RBM39: variants seen among roughly 807,000 people sequenced by gnomAD.
The protein encoded by RBM39 is RNA-binding protein 39.
In RBM39, 12 loss-of-function variants were observed where a neutral mutation model predicts 79.6. The observed-to-expected ratio is 0.15, with a 90% CI of 0.10 to 0.24. The LOEUF is 0.24. RBM39 is among the 10% of genes least tolerant of loss of function. The pLI is 1.00. For missense variants in RBM39, 243 were observed against 653.4 expected, an observed-to-expected ratio of 0.37 and a Z score of 6.85; for synonymous variants, 185 against 208.4, an observed-to-expected ratio of 0.89 and a Z score of 0.97.
At chr20:35,707,807 G>C (rs190034884) in intron 13 of RBM39, 12 of 409,434 alleles carry the variant, frequency 2.9e-5, no homozygotes, top group South Asian at 2.1e-4. Context: ...GAAAAGAGCA[G>C]CATATATGTG....
chr20:35,731,750 A>C, intron 4 of RBM39, 191 bp downstream of exon 4: 1 of 633,508 alleles, frequency 1.6e-6, no homozygotes, highest in Non-Finnish European at 2.7e-6. Context: ...TAGTAAAAGC[A>C]AATTTTTACT....
Position 35,721,866 on chromosome 20 carries a change from G to A in RBM39, c.699C>T (p.Asn233=), listed in dbSNP as rs778362603. The A allele has an allele frequency of 1.9e-6, 3 of 1,613,560 alleles. No homozygotes were observed. Among genetic ancestry groups the A allele is most frequent in the Admixed American group, 3.3e-5 (2 of 59,956 alleles). The change falls in exon 9 of 17, where the codon AAC becomes AAT. Residue 233 remains asparagine, a synonymous_variant. Coordinates refer to ENST00000253363, the MANE Select transcript of RBM39 (RefSeq NM_184234.3). The part of the protein sequence containing the change: ...IIVQASQAEK[N]RAAAMANNLQ... Reference sequence around the variant, plus strand: ...AATTGTTTGCCATTGCTGCAGCTCTGTTTTTTTCTGCCTAGAAGACAAAAT... The same window carrying A: ...AATTGTTTGCCATTGCTGCAGCTCTATTTTTTTCTGCCTAGAAGACAAAAT...
intron 6 of RBM39, 87 bp from the exon 7 acceptor site, chr20:35,725,242 G>A (rs2038509745): frequency 1.1e-6 from 1 of 923,018 alleles, no homozygotes; most frequent in Non-Finnish European, 1.6e-6. Context: ...TAGTTCAACA[G>A]GTTTTCAGGT....
chr20:35,714,137 CACT>C (rs1250642513), intron 11 of RBM39, 45 bp downstream of exon 11: 5 of 1,560,396 alleles, frequency 3.2e-6, no homozygotes, highest in Non-Finnish European at 1.8e-6. Context: ...CTTTCTTTTC[CACT>C]ACAATACCCA....
chr20:35,703,217 T>TAA lies in RBM39; in HGVS notation c.*1262_*1263dup, dbSNP rs1361648182. On this transcript the variant is annotated 3_prime_UTR_variant, in exon 17 of 17. Coordinates refer to ENST00000253363, the MANE Select transcript of RBM39 (RefSeq NM_184234.3). ...GAAAGCTCAAAACCCCTTAATACAG[T>TAA]AATATATGCACCTTATTTAATATAT... 6.6e-6 allele frequency: 1 copy of TAA among 152,188 alleles called. No homozygotes were observed. Among genetic ancestry groups the TAA allele is most frequent in the Non-Finnish European group, 1.5e-5 (1 of 68,036 alleles). 9.4% of individuals were successfully genotyped at this position (152,188 alleles called of 1,614,324 possible).
rs533707712 is a variant in RBM39 at position 35,732,991 on chromosome 20, G to A, written c.102-856C>T. ...CATTTTGGTTTTCATGGGCAAAACC[G>A]TAATGACAAAGGACAATAAGAACTA... On this transcript the variant is annotated intron_variant, in intron 3 of 16. Transcript: ENST00000253363. 8.5e-5 allele frequency among the ~76,000 whole-genome samples: 13 copies of A among 152,270 alleles called. No homozygotes were observed. The South Asian group carries it at 1.9e-3, about 22-fold the overall frequency.
chr20:35,740,387 T>A (rs2040393583), intron 2 of RBM39: 8 of 393,358 alleles, frequency 2.0e-5, no homozygotes, highest in South Asian at 1.4e-4. Flanking sequence ...CTGGTCATGC[T>A]TTGTTATTCT....
At chr20:35,726,971 C>T (rs1004769279) in intron 6 of RBM39, among the ~76,000 whole-genome samples, 32 of 151,444 alleles carry the variant, frequency 2.1e-4, no homozygotes, top group African/African-American at 4.4e-4. Flanking sequence ...ATTACACGCA[C>T]GCGCCACTAC....
chr20:35,734,005 T>C (rs1164395226), intron 3 of RBM39, among the ~76,000 whole-genome samples: 1 of 152,238 alleles, frequency 6.6e-6, no homozygotes, highest in Non-Finnish European at 1.5e-5. Flanking sequence ...CGAAAATGTC[T>C]ATTTGTAGTG....
intron 3 of RBM39, among the ~76,000 whole-genome samples, chr20:35,738,197 G>A (rs1443143018): frequency 6.6e-6 from 1 of 151,920 alleles, no homozygotes; most frequent in Non-Finnish European, 1.5e-5. Flanking sequence ...GAACCCAGGA[G>A]GCGGAGGTTG....
intron 13 of RBM39, chr20:35,707,894 T>A (rs945688946): frequency 1.5e-4 from 69 of 467,102 alleles, no homozygotes; most frequent in African/African-American, 1.3e-3. Flanking sequence ...TCCAATGCTT[T>A]CACGTGATTT....
At chr20:35,722,439 T>G (rs75168020) in intron 8 of RBM39, among the ~76,000 whole-genome samples, 1 of 129,894 alleles carries the variant, frequency 7.7e-6, no homozygotes, top group Non-Finnish European at 1.6e-5. Flanking sequence ...AAAATAAAAA[T>G]AAAAAGTTTA....
intron 3 of RBM39, chr20:35,736,607 C>T (rs2039942436): frequency 2.1e-6 from 1 of 467,308 alleles, no homozygotes; most frequent in Non-Finnish European, 4.4e-6. Context: ...AAATAAATGG[C>T]TATTTTTCTC....
chr20:35,722,513 G>A (rs1280419990), intron 8 of RBM39, among the ~76,000 whole-genome samples: 3 of 114,288 alleles, frequency 2.6e-5, no homozygotes, highest in Non-Finnish European at 5.1e-5. Context: ...AGCTGGTCTT[G>A]AACTCCTAAA....
intron 9 of RBM39, among the ~76,000 whole-genome samples, chr20:35,721,480 T>A (rs2037931492): frequency 6.6e-6 from 1 of 152,224 alleles, no homozygotes; most frequent in Non-Finnish European, 1.5e-5. Flanking sequence ...TGAGCCACCA[T>A]GCCCAGCCAA....
At chr20:35,707,376 C>G in intron 13 of RBM39, 175 bp from the exon 14 acceptor site, 1 of 402,478 alleles carries the variant, frequency 2.5e-6, no homozygotes, top group Non-Finnish European at 4.5e-6. Flanking sequence ...TTTTAGGTGC[C>G]AGAAAACTGA....
intron 1 of RBM39, 137 bp from the exon 2 acceptor site, chr20:35,741,024 A>ATTTTTTT (rs1600675384): frequency 6.0e-4 from 47 of 78,010 alleles, no homozygotes; most frequent in South Asian, 3.4e-3. Flanking sequence ...GTGAGTAAAC[A>ATTTTTTT]TTTTTCTTTT....
At chr20:35,735,029 C>A in intron 3 of RBM39, 2 of 1,604,684 alleles carry the variant, frequency 1.2e-6, no homozygotes, top group Non-Finnish European at 1.7e-6. Flanking sequence ...TTTGCTATAA[C>A]TGGATTTGAC....
chr20:35,708,959 C>T, intron 13 of RBM39: 1 of 343,640 alleles, frequency 2.9e-6, no homozygotes, highest in Non-Finnish European at 5.3e-6. Context: ...CACAGGTAGG[C>T]ATAAAACAAA....
Sources: allele counts gnomAD v4.1 joint callset (sites outside exome capture counted in the v4.1 genomes callset), GRCh38; gene constraint gnomAD v4.1.1; transcripts MANE v1.5; gene names NCBI Gene and HGNC (gene_info 2026-07-23, HGNC 2026-07-21).